The following EGR3 variants were observed in gnomAD, a reference collection of about 807,000 sequenced individuals.
EGR3 encodes early growth response 3.
Under a neutral mutation model 22.4 loss-of-function variants are expected in EGR3, and 4 were observed. The observed-to-expected ratio is 0.18, with a 90% confidence interval of 0.09 to 0.41. The LOEUF is 0.41. EGR3 is among the 10% of genes least tolerant of loss of function. EGR3 has a pLI of 1.00. For missense variants in EGR3, 315 were observed against 541.3 expected (o/e 0.58, Z 4.15); for synonymous variants, 219 against 226.8 (o/e 0.97, Z 0.31).
Position 22,690,076 on chromosome 8 carries a change from T to G in EGR3, c.*397A>C, listed in dbSNP as rs2128744689. On this transcript the variant is annotated 3_prime_UTR_variant, in exon 2 of 2. Coordinates refer to ENST00000317216, the MANE Select transcript of EGR3 (RefSeq NM_004430.3). ...TCCCCCTCTCGAGTCTTCGAGGGGG[T>G]ATAGAGGGAGACGTGGGGGAAACAA... 2.7e-5 allele frequency: 6 copies of G among 218,276 alleles called. No individual in the cohort carries two copies. The highest frequency in any genetic ancestry group is 5.4e-5 in the Non-Finnish European group (6 of 110,224). The allele number at this position is 218,276 out of a possible 1,614,324, so 13.5% of individuals were successfully genotyped here. A position where few individuals can be genotyped will look rare whatever the true frequency, so the allele number is the denominator to read the frequency against.
rs200707775 is a variant in EGR3 at position 22,690,620 on chromosome 8, C to G, written c.1017G>C (p.Gly339=). 1.2e-6 allele frequency: 2 copies of G among 1,613,854 alleles called. No homozygotes were observed. The highest frequency in any genetic ancestry group is 2.7e-5 in the African/African-American group (2 of 74,948). The change falls in exon 2 of 2, where the codon GGG becomes GGC. Residue 339 remains glycine (G), a synonymous_variant. Transcript: ENST00000317216. ...GCTCGTCGCTGCGCGCAAACTTGCG[C>G]CCGCAGAACTCGCAGGCAAAGGGCT... ...GEKPFACEFC[G]RKFARSDERK...
In EGR3 at chr8:22,692,983, A is replaced by ACCG; in HGVS notation, c.-42_-40dup. On this transcript the variant is annotated 5_prime_UTR_variant, in exon 1 of 2. Coordinates refer to ENST00000317216, the MANE Select transcript of EGR3 (RefSeq NM_004430.3). The surrounding 1 kb of genome is among the most constrained non-coding windows in gnomAD (Gnocchi z 6.2). Reference sequence around the variant, plus strand: ...TGCCGCCGCCGCCGCCACCGCCGCCACCGCCGCCGCTCGCTCCTAACGCAG... The same window carrying ACCG: ...TGCCGCCGCCGCCGCCACCGCCGCCACCGCCGCCGCCGCTCGCTCCTAACGCAG... The ACCG allele has an allele frequency of 2.6e-6, 4 of 1,511,626 alleles. No individual in the cohort carries two copies. Among genetic ancestry groups the ACCG allele is most frequent in the Non-Finnish European group, 2.7e-6 (3 of 1,130,014 alleles). The allele number at this position is 1,511,626 out of a possible 1,614,324, so 93.6% of individuals were successfully genotyped here. A position where few individuals can be genotyped will look rare whatever the true frequency, so the allele number is the denominator to read the frequency against.
In EGR3 at chr8:22,692,347, G is replaced by C. The variant is rs1585223568; in HGVS notation, c.154+444C>G. ...CACGCCGCACATGGCTCCATCCCGGGTGGGAGGCTGAGGGAGTAAGGGGGG... is the reference window on the plus strand; with the variant it reads ...CACGCCGCACATGGCTCCATCCCGGCTGGGAGGCTGAGGGAGTAAGGGGGG... On this transcript the variant is annotated intron_variant, in intron 1 of 1. Coordinates refer to ENST00000317216, the MANE Select transcript of EGR3 (RefSeq NM_004430.3). The surrounding 1 kb of genome is among the most constrained non-coding windows in gnomAD (Gnocchi z 6.2). 6.7e-7 allele frequency: 1 copy of C among 1,501,248 alleles called. No homozygotes were observed. The allele number at this position is 1,501,248 out of a possible 1,614,324, so 93.0% of individuals were successfully genotyped here.
Position 22,692,960 on chromosome 8 carries a change from C to T in EGR3, c.-16G>A. 6.3e-7 allele frequency: 1 copy of T among 1,589,502 alleles called. No homozygotes were observed. On this transcript the variant is annotated 5_prime_UTR_variant, in exon 1 of 2. Transcript: ENST00000317216. This position sits in a 1 kb window ranked among gnomAD's most constrained non-coding sequence, Gnocchi z 6.2. ...TGCCGGTCATAGCACTCCCGAGCTG[C>T]CGCCGCCGCCGCCACCGCCGCCACC...
In EGR3 at chr8:22,691,405, G is replaced by C; in HGVS notation, c.232C>G (p.Pro78Ala). ...AAGTAGGTCACGGTCTTGTTGCCGGGGGCTGGCTGGAAGGAGCCGGAGTAA... is the reference window on the plus strand; with the variant it reads ...AAGTAGGTCACGGTCTTGTTGCCGGCGGCTGGCTGGAAGGAGCCGGAGTAA... ...LSYSGSFQPA[P>A]GNKTVTYLGK... is the part of the protein sequence containing the mutation. Residue 78 changes from proline (P) to alanine (A), a missense_variant, in exon 2 of 2, where the codon CCC (proline) becomes GCC (alanine). Physicochemically the swap from Pro to Ala is conservative, Grantham distance 27. This residue lies in a region of EGR3 where 227 missense variants were observed against 303.6 expected (regional missense o/e 0.75). Transcript: ENST00000317216. The C allele has an allele frequency of 6.2e-7, 1 of 1,614,168 alleles. No individual in the cohort carries two copies. Among genetic ancestry groups the C allele is most frequent in the South Asian group, 1.1e-5 (1 of 91,072 alleles).
rs778916249 is a variant in EGR3 at position 22,690,498 on chromosome 8, G to C, written c.1139C>G (p.Ala380Gly). ...SASSAPPVSLAPVVTTCA is the reference protein window; with the variant it reads ...SASSAPPVSLGPVVTTCA ...TCAGGCGCAGGTGGTGACCACGGGG[G>C]CCAGCGACACGGGGGGCGCCGAGGA... Residue 380 changes from alanine to glycine, a missense_variant, in exon 2 of 2, where the codon GCC becomes GGC. Transcript: ENST00000317216. 2.5e-6 allele frequency: 4 copies of C among 1,608,254 alleles called. No individual in the cohort carries two copies. The highest frequency in any genetic ancestry group is 1.7e-4 in the Middle Eastern group (1 of 6,028).
chr8:22,692,810 A>G lies in EGR3; in HGVS notation c.135T>C (p.His45=), dbSNP rs1804016229. The G allele has an allele frequency of 1.2e-6, 2 of 1,612,760 alleles. No individual in the cohort carries two copies. The highest frequency in any genetic ancestry group is 2.2e-5 in the East Asian group (1 of 44,796). ...CCTTACCTGTAGCCATCTGATTGTAATGGACTACCGAGTCGCTGCTGCCGG... is the reference window on the plus strand; with the variant it reads ...CCTTACCTGTAGCCATCTGATTGTAGTGGACTACCGAGTCGCTGCTGCCGG... ...LFSGSSDSVV[H]YNQMATENVM... Residue 45 remains histidine, a synonymous_variant, in exon 1 of 2, where the codon CAT becomes CAC. Coordinates refer to ENST00000317216, the MANE Select transcript of EGR3 (RefSeq NM_004430.3). The surrounding 1 kb of genome is among the most constrained non-coding windows in gnomAD (Gnocchi z 6.2).
Position 22,690,145 on chromosome 8 carries a change from A to C in EGR3, c.*328T>G, listed in dbSNP as rs1803895018. On this transcript the variant is annotated 3_prime_UTR_variant, in exon 2 of 2. Coordinates refer to ENST00000317216, the MANE Select transcript of EGR3 (RefSeq NM_004430.3). ...CGAGGGTTGGATGGGCTCCGCCTTCAGTCCCTTGCAGGTCCTTGGCGCGGC... is the reference window on the plus strand; with the variant it reads ...CGAGGGTTGGATGGGCTCCGCCTTCCGTCCCTTGCAGGTCCTTGGCGCGGC... 2 of 382,714 alleles carry C rather than the reference A, an allele frequency of 5.2e-6. No individual in the cohort carries two copies. Among genetic ancestry groups the C allele is most frequent in the Non-Finnish European group, 4.7e-6 (1 of 211,914 alleles). 23.7% of individuals were successfully genotyped at this position (382,714 alleles called of 1,614,324 possible). A position where few individuals can be genotyped will look rare whatever the true frequency, so the allele number is the denominator to read the frequency against.
chr8:22,691,118 G>A lies in EGR3; in HGVS notation c.519C>T (p.Pro173=), dbSNP rs1345128954. The A allele has an allele frequency of 6.2e-7, 1 of 1,614,158 alleles. No homozygotes were observed. Among genetic ancestry groups the A allele is most frequent in the Non-Finnish European group, 8.5e-7 (1 of 1,180,012 alleles). ...CCGGCTTGGCCGATTGGTAATCCTGGGGGGAATAGGCGAGCCCGGGATTGC... is the reference window on the plus strand; with the variant it reads ...CCGGCTTGGCCGATTGGTAATCCTGAGGGGAATAGGCGAGCCCGGGATTGC... ...PQGNPGLAYS[P]QDYQSAKPAL... is the part of the protein sequence containing the mutation. The change falls in exon 2 of 2, where the codon CCC becomes CCT. Residue 173 remains proline (P), a synonymous_variant. Transcript: ENST00000317216.
Position 22,692,429 on chromosome 8 carries a change from G to A in EGR3, c.154+362C>T. 2 of 1,428,980 alleles carry A rather than the reference G, an allele frequency of 1.4e-6. No homozygotes were observed. Among genetic ancestry groups the A allele is most frequent in the Non-Finnish European group, 1.8e-6 (2 of 1,096,468 alleles). 88.5% of individuals were successfully genotyped at this position (1,428,980 alleles called of 1,614,324 possible). A position where few individuals can be genotyped will look rare whatever the true frequency, so the allele number is the denominator to read the frequency against. ...CCCGGGAAGAGGGCGACAGCACCACGCCTTGCGCGTAGCCCGGCGATCGGG... is the reference window on the plus strand; with the variant it reads ...CCCGGGAAGAGGGCGACAGCACCACACCTTGCGCGTAGCCCGGCGATCGGG... On this transcript the variant is annotated intron_variant, in intron 1 of 1. Transcript: ENST00000317216. This position sits in a 1 kb window ranked among gnomAD's most constrained non-coding sequence, Gnocchi z 6.2.
In EGR3 at chr8:22,692,691, A is replaced by G; in HGVS notation, c.154+100T>C. ...CACCCATCCACCCATCCATCCATCC[A>G]TCCATCCATCCATCCATCCATCCAT... On this transcript the variant is annotated intron_variant, in intron 1 of 1. Coordinates refer to ENST00000317216, the MANE Select transcript of EGR3 (RefSeq NM_004430.3). This position sits in a 1 kb window ranked among gnomAD's most constrained non-coding sequence, Gnocchi z 6.2. 6.1e-6 allele frequency: 9 copies of G among 1,476,462 alleles called. No homozygotes were observed. In the South Asian group the frequency reaches 8.6e-5, roughly 14 times the overall value. 91.5% of individuals were successfully genotyped at this position (1,476,462 alleles called of 1,614,324 possible).
rs776291693 is a variant in EGR3, at chr8:22,692,953, C to G, written c.-9G>C. 63 of 1,604,870 alleles carry G rather than the reference C, an allele frequency of 3.9e-5. No homozygotes were observed. Among genetic ancestry groups the G allele is most frequent in the Admixed American group, 2.5e-4 (15 of 59,660 alleles). On this transcript the variant is annotated 5_prime_UTR_variant, in exon 1 of 2. Coordinates refer to ENST00000317216, the MANE Select transcript of EGR3 (RefSeq NM_004430.3). The surrounding 1 kb of genome is among the most constrained non-coding windows in gnomAD (Gnocchi z 6.2). ...GCGAGTTTGCCGGTCATAGCACTCC[C>G]GAGCTGCCGCCGCCGCCGCCACCGC... is the stretch of plus-strand genomic sequence containing the variant.
Position 22,692,988 on chromosome 8 carries a change from C to T in EGR3, c.-44G>A. ...CCGCCGCCGCCACCGCCGCCACCGCCGCCGCTCGCTCCTAACGCAGCTTCC... is the reference window on the plus strand; with the variant it reads ...CCGCCGCCGCCACCGCCGCCACCGCTGCCGCTCGCTCCTAACGCAGCTTCC... On this transcript the variant is annotated 5_prime_UTR_variant, in exon 1 of 2. Coordinates refer to ENST00000317216, the MANE Select transcript of EGR3 (RefSeq NM_004430.3). This position sits in a 1 kb window ranked among gnomAD's most constrained non-coding sequence, Gnocchi z 6.2. 6.3e-7 allele frequency: 1 copy of T among 1,578,310 alleles called. No individual in the cohort carries two copies. The highest frequency in any genetic ancestry group is 1.1e-5 in the South Asian group (1 of 89,842).
At position 22,692,668 on chromosome 8, in the gene EGR3, C is replaced by T. The variant is rs530892952; in HGVS notation, c.154+123G>A. The T allele has an allele frequency of 5.5e-6, 8 of 1,446,852 alleles. No individual in the cohort carries two copies. Among genetic ancestry groups the T allele is most frequent in the African/African-American group, 4.4e-5 (3 of 67,604 alleles). 89.6% of individuals were successfully genotyped at this position (1,446,852 alleles called of 1,614,324 possible). ...ATCTCTCCATCCATTTATCTATCCA[C>T]CCATCCACCCATCCATCCATCCATC... On this transcript the variant is annotated intron_variant, in intron 1 of 1. Coordinates refer to ENST00000317216, the MANE Select transcript of EGR3 (RefSeq NM_004430.3). The surrounding 1 kb of genome is among the most constrained non-coding windows in gnomAD (Gnocchi z 6.2).
rs1803896962 is a variant in EGR3, at chr8:22,690,232, G to GC, written c.*240dup. The GC allele has an allele frequency of 1.8e-6, 1 of 559,624 alleles. No individual in the cohort carries two copies. Among genetic ancestry groups the GC allele is most frequent in the African/African-American group, 1.9e-5 (1 of 52,616 alleles). 34.7% of individuals were successfully genotyped at this position (559,624 alleles called of 1,614,324 possible). A position where few individuals can be genotyped will look rare whatever the true frequency, so the allele number is the denominator to read the frequency against. ...AAAGCGGGCTAGACGCCACCTTTCC[G>GC]CCCCCACGCCTTGGCTAAGTGGGGG... On this transcript the variant is annotated 3_prime_UTR_variant, in exon 2 of 2. Transcript: ENST00000317216.
chr8:22,687,834 T>C lies in EGR3; in HGVS notation c.*2639A>G, dbSNP rs1563180448. 1 of 152,686 alleles carries C rather than the reference T, an allele frequency of 6.5e-6. No homozygotes were observed. The allele number at this position is 152,686 out of a possible 1,614,324, so 9.5% of individuals were successfully genotyped here. Reference sequence around the variant, plus strand: ...CGGTTTTTAAAAATGCTGTTTTCATTAACTATATTATATTGGCATTACAAT... The same window carrying C: ...CGGTTTTTAAAAATGCTGTTTTCATCAACTATATTATATTGGCATTACAAT... On this transcript the variant is annotated 3_prime_UTR_variant, in exon 2 of 2. Transcript: ENST00000317216. The surrounding 1 kb of genome is among the most constrained non-coding windows in gnomAD (Gnocchi z 4.7).
rs1274862915 is a variant in EGR3 at position 22,693,329 on chromosome 8, C to G, written c.-385G>C. 1 of 122,870 alleles carries G rather than the reference C, an allele frequency of 8.1e-6. No homozygotes were observed. Among genetic ancestry groups the G allele is most frequent in the African/African-American group, 3.2e-5 (1 of 30,888 alleles). The allele number at this position is 122,870 out of a possible 1,614,324, so 7.6% of individuals were successfully genotyped here. A position where few individuals can be genotyped will look rare whatever the true frequency, so the allele number is the denominator to read the frequency against. On this transcript the variant is annotated 5_prime_UTR_variant, in exon 1 of 2. Coordinates refer to ENST00000317216, the MANE Select transcript of EGR3 (RefSeq NM_004430.3). ...CACAAACAGACACGCGCCCGCCGCC[C>G]CCCCGCCCCCCGATCTGCCACCGCC...
rs1389326859 is a variant in EGR3 at position 22,692,115 on chromosome 8, G to C, written c.155-633C>G. ...GAAAATCCTAGCCCCAGCTAGGGAG[G>C]GTGGAGAGCGGCGGAAAACCGGCCG... On this transcript the variant is annotated intron_variant, in intron 1 of 1. Transcript: ENST00000317216. This position sits in a 1 kb window ranked among gnomAD's most constrained non-coding sequence, Gnocchi z 6.2. 7.3e-7 allele frequency: 1 copy of C among 1,365,818 alleles called. No individual in the cohort carries two copies. The highest frequency in any genetic ancestry group is 9.4e-7 in the Non-Finnish European group (1 of 1,064,050). 84.6% of individuals were successfully genotyped at this position (1,365,818 alleles called of 1,614,324 possible). A position where few individuals can be genotyped will look rare whatever the true frequency, so the allele number is the denominator to read the frequency against.
rs1388998911 is a variant in EGR3 at position 22,691,253 on chromosome 8, G to T, written c.384C>A (p.Ser128Arg). ...CGTCACCCTGCGGTGGCTGCACCAT[G>T]CTGGCCGTGGACGTCTGCGTGCTGA... ...GALSTQTSTASMVQPPQGDVE... is the reference protein window; with the variant it reads ...GALSTQTSTARMVQPPQGDVE... The change falls in exon 2 of 2, where the codon AGC (serine) becomes AGA (arginine). Residue 128 changes from serine (S) to arginine (R), a missense_variant. Coordinates refer to ENST00000317216, the MANE Select transcript of EGR3 (RefSeq NM_004430.3). 1.2e-6 allele frequency: 2 copies of T among 1,613,878 alleles called. No individual in the cohort carries two copies. Among genetic ancestry groups the T allele is most frequent in the Non-Finnish European group, 1.7e-6 (2 of 1,180,014 alleles).
Sources: allele counts gnomAD v4.1 joint callset, GRCh38; gene constraint gnomAD v4.1.1; regional missense constraint gnomAD v4.1.1; non-coding constraint Gnocchi (gnomAD v3.1); transcripts MANE v1.5; gene names NCBI Gene and HGNC (gene_info 2026-07-23, HGNC 2026-07-21).